KDM4B: variants seen among roughly 807,000 people sequenced by gnomAD.
The protein encoded by KDM4B is lysine demethylase 4B.
KDM4B carries 32 observed loss-of-function variants against 125.2 expected under a neutral mutation model. That is an observed-to-expected ratio of 0.26 (90% CI 0.19 to 0.34). The LOEUF is 0.34. Among genes scored for constraint, KDM4B ranks in the 10% least tolerant of loss-of-function variants. KDM4B has a pLI of 1.00. For missense variants in KDM4B, 1,190 were observed against 1,577.7 expected, an observed-to-expected ratio of 0.75 and a Z score of 4.16; for synonymous variants, 721 against 677.9, an observed-to-expected ratio of 1.06 and a Z score of -0.99.
chr19:5,149,719 CGAG>C (rs1568329264), intron 21 of KDM4B, among the ~76,000 whole-genome samples: 1 of 152,228 alleles, frequency 6.6e-6, no homozygotes, highest in Non-Finnish European at 1.5e-5. Context: ...CCAAGCTTAA[CGAG>C]GAGGAAGCGG....
At chr19:5,122,161 C>T (rs2039372868) in intron 11 of KDM4B, among the ~76,000 whole-genome samples, 1 of 152,202 alleles carries the variant, frequency 6.6e-6, no homozygotes, top group Admixed American at 6.5e-5. Flanking sequence ...CTGGGGGGCT[C>T]CAGGGGAGAA....
At chr19:5,006,705 G>A (rs561330276) in intron 1 of KDM4B, among the ~76,000 whole-genome samples, 3 of 152,010 alleles carry the variant, frequency 2.0e-5, no homozygotes, top group Non-Finnish European at 2.9e-5. Flanking sequence ...CCTGGGAAGC[G>A]GAGGCTGCAG....
intron 2 of KDM4B, among the ~76,000 whole-genome samples, chr19:5,019,949 A>ATATTG (rs2036048988): frequency 2.7e-5 from 1 of 37,036 alleles, no homozygotes; most frequent in Non-Finnish European, 5.3e-5. Context: ...TGCAGGTGTT[A>ATATTG]GTGTGCAGGT....
At chr19:5,150,611 G>A (rs934749772) in intron 22 of KDM4B, among the ~76,000 whole-genome samples, 161 bp downstream of exon 22, 4 of 152,200 alleles carry the variant, frequency 2.6e-5, no homozygotes, top group Admixed American at 2.6e-4. Flanking sequence ...TGGTCCATGG[G>A]CTCCTGGCAG....
rs2038314039 is a variant in KDM4B, at chr19:5,082,056, G to A, written c.781-311G>A. Among the ~76,000 whole-genome samples the A allele has an allele frequency of 1.3e-5, 2 of 152,170 alleles. No individual in the cohort carries two copies. Among genetic ancestry groups the A allele is most frequent in the African/African-American group, 4.8e-5 (2 of 41,446 alleles). ...TGTGTCCAGCCACGGCTCCATCTGC[G>A]GTTCTCCCACTGGGGTGATGCTGAC... On this transcript the variant is annotated intron_variant, in intron 8 of 22. Transcript: ENST00000159111. This position sits in a 1 kb window ranked among gnomAD's most constrained non-coding sequence, Gnocchi z 5.4.
rs375905691 is a variant in KDM4B, at chr19:5,078,492, G to C, written c.780+1022G>C. The C allele has an allele frequency of 6.6e-6, 1 of 152,084 alleles. No individual in the cohort carries two copies. Among genetic ancestry groups the C allele is most frequent in the East Asian group, 1.9e-4 (1 of 5,162 alleles). The allele number at this position is 152,084 out of a possible 1,614,324, so 9.4% of individuals were successfully genotyped here. On this transcript the variant is annotated intron_variant, in intron 8 of 22. Transcript: ENST00000159111. This position sits in a 1 kb window ranked among gnomAD's most constrained non-coding sequence, Gnocchi z 4.5. ...TCATCAGACAGCACAGATCTCGCTC[G>C]GAGAAGTGCGCATTTCCGGCCTTTC...
At chr19:5,019,184 T>G (rs1047873638) in intron 2 of KDM4B, among the ~76,000 whole-genome samples, 2 of 143,906 alleles carry the variant, frequency 1.4e-5, no homozygotes, top group Non-Finnish European at 3.0e-5. Flanking sequence ...GTGTGGGTGT[T>G]GGTGTGGGTG....
rs566437107 is a variant in KDM4B, at chr19:5,043,657, T to C, written c.432+2406T>C. 3.7e-4 allele frequency among the ~76,000 whole-genome samples: 56 copies of C among 149,474 alleles called. 1 individual carries two copies. The highest frequency in any genetic ancestry group is 1.2e-3 in the African/African-American group (46 of 39,778). On this transcript the variant is annotated intron_variant, in intron 5 of 22. Coordinates refer to ENST00000159111, the MANE Select transcript of KDM4B (RefSeq NM_015015.3). ...TGTCCACCATATCCTGCGTGGTGTT[T>C]ATCGGAGTGGGGGTGTCCACCGTAT... is the stretch of plus-strand genomic sequence containing the variant.
chr19:5,059,364 C>T (rs569507910), intron 6 of KDM4B, among the ~76,000 whole-genome samples: 9 of 152,350 alleles, frequency 5.9e-5, no homozygotes, highest in African/African-American at 9.6e-5. Context: ...CCGATGACAG[C>T]GATGCTAATG....
intron 9 of KDM4B, among the ~76,000 whole-genome samples, chr19:5,095,108 C>T (rs560878623): frequency 5.3e-5 from 8 of 152,234 alleles, no homozygotes; most frequent in East Asian, 1.9e-4. Flanking sequence ...GGCCCCTGCC[C>T]GTCCCCATCC....
intron 1 of KDM4B, among the ~76,000 whole-genome samples, chr19:4,976,371 T>C (rs1039111721): frequency 5.9e-5 from 9 of 151,860 alleles, no homozygotes; most frequent in Non-Finnish European, 1.3e-4. Flanking sequence ...AAAAAACAGC[T>C]ACAAACAGTG....
At chr19:5,072,844 C>T (rs2037989999) in intron 7 of KDM4B, among the ~76,000 whole-genome samples, 1 of 152,196 alleles carries the variant, frequency 6.6e-6, no homozygotes, top group African/African-American at 2.4e-5. Flanking sequence ...GAACCCACTT[C>T]CCGCCTTTTC....
Position 5,133,926 on chromosome 19 carries a change from C to A in KDM4B, c.1950C>A (p.Asp650Glu). Residue 650 changes from aspartate to glutamate, a missense_variant, in exon 14 of 23, where the codon GAC (aspartate) becomes GAA (glutamate). Asp to Glu is a conservative substitution (Grantham distance 45). Around this residue, in one of 7 missense-constraint regions of KDM4B, gnomAD observed 128 missense variants for 137.8 expected, o/e 0.93. Coordinates refer to ENST00000159111, the MANE Select transcript of KDM4B (RefSeq NM_015015.3). ...GGGAGGAAGATGTGAGTGACCCGGA[C>A]GCCTTGAGGCCGCTGCTGTCTCTGC... ...FSGEEDVSDP[D>E]ALRPLLSLQW... 3 of 1,613,126 alleles carry A rather than the reference C, an allele frequency of 1.9e-6. No homozygotes were observed. The highest frequency in any genetic ancestry group is 1.1e-5 in the South Asian group (1 of 91,080).
chr19:5,110,790 G>A lies in KDM4B; in HGVS notation c.1087G>A (p.Ala363Thr), dbSNP rs1422515783. 1.6e-5 allele frequency: 25 copies of A among 1,597,256 alleles called. No individual in the cohort carries two copies. The highest frequency in any genetic ancestry group is 2.1e-5 in the Non-Finnish European group (25 of 1,172,270). Residue 363 changes from alanine (A) to threonine (T), a missense_variant, in exon 10 of 23, where the codon GCC (alanine) becomes ACC (threonine). By Grantham distance (58) the Ala-to-Thr change is moderately conservative (BLOSUM62 0). Transcript: ENST00000159111. ...PELSSWSASR[A>T]SLKAKLLRRS... ...GCTGAGCTCCTGGAGTGCATCCCGG[G>A]CCTCGCTGAAGGCCAAGCTCCTCCG...
At chr19:4,981,038 C>T (rs2034623000) in intron 1 of KDM4B, among the ~76,000 whole-genome samples, 2 of 152,068 alleles carry the variant, frequency 1.3e-5, no homozygotes, top group African/African-American at 4.8e-5. Flanking sequence ...GCAGAGGTAC[C>T]CTGTGAGGCC....
At chr19:5,040,469 GCA>G (rs934375715) in intron 4 of KDM4B, among the ~76,000 whole-genome samples, 2 of 151,970 alleles carry the variant, frequency 1.3e-5, no homozygotes, top group East Asian at 1.9e-4. Context: ...GGTACACATG[GCA>G]CACGCACGTT....
chr19:5,129,413 A>G (rs2620843), intron 11 of KDM4B, among the ~76,000 whole-genome samples: 89,277 of 152,040 alleles, frequency 0.59, 26,368 homozygotes, highest in East Asian at 0.66. Context: ...TGGTCCTGGC[A>G]TCACGGACTG....
At chr19:4,978,900 C>A (rs527772299) in intron 1 of KDM4B, among the ~76,000 whole-genome samples, 1 of 152,160 alleles carries the variant, frequency 6.6e-6, no homozygotes. Flanking sequence ...CAAGTTCATG[C>A]GTGCCTGGTC....
chr19:5,135,997 G>A (rs2039642215), intron 15 of KDM4B, among the ~76,000 whole-genome samples: 2 of 152,232 alleles, frequency 1.3e-5, no homozygotes, highest in Admixed American at 1.3e-4. Context: ...CAAGAAATGG[G>A]CCAGGCACCC....
Sources: allele counts gnomAD v4.1 joint callset (sites outside exome capture counted in the v4.1 genomes callset), GRCh38; gene constraint gnomAD v4.1.1; regional missense constraint gnomAD v4.1.1; non-coding constraint Gnocchi (gnomAD v3.1); transcripts MANE v1.5; gene names NCBI Gene and HGNC (gene_info 2026-07-23, HGNC 2026-07-21).